Variants in SND1 observed in about 807,000 individuals in gnomAD.
SND1 encodes the protein staphylococcal nuclease domain-containing protein 1.
Under a neutral mutation model 121.7 loss-of-function variants are expected in SND1, and 38 were observed. That is an observed-to-expected ratio of 0.31 (90% confidence interval 0.24 to 0.41). The LOEUF (loss-of-function observed/expected upper bound fraction) is 0.41, where lower values mean the gene tolerates loss of function less well. Ranked by LOEUF, SND1 falls within the 10% of genes least tolerant of loss-of-function variation. The probability of loss-of-function intolerance (pLI) is 1.00; values close to 1 mark genes in which losing one functional copy is unlikely to be tolerated. For synonymous variants in SND1, 401 were observed against 447.4 expected (o/e 0.90, Z 1.31); for missense variants, 868 against 1,184.6 (o/e 0.73, Z 3.92).
At chr7:127,770,325 T>G (rs966958563) in intron 10 of SND1, among the ~76,000 whole-genome samples, 1 of 152,180 alleles carries the variant, frequency 6.6e-6, no homozygotes, top group African/African-American at 2.4e-5. Context: ...TAAAAGTACT[T>G]TAAGAGAGGC....
At chr7:127,781,364 A>C (rs1226773252) in intron 10 of SND1, among the ~76,000 whole-genome samples, 3 of 152,186 alleles carry the variant, frequency 2.0e-5, no homozygotes, top group African/African-American at 4.8e-5. Context: ...ACTATGTGGC[A>C]ATCATCGTTC....
intron 11 of SND1, among the ~76,000 whole-genome samples, chr7:127,819,443 A>G (rs1193402371): frequency 6.6e-6 from 1 of 152,228 alleles, no homozygotes; most frequent in African/African-American, 2.4e-5. Context: ...AGAAAGACTC[A>G]ATTTGTCTTC....
intron 10 of SND1, among the ~76,000 whole-genome samples, chr7:127,724,178 G>T (rs1007684650): frequency 2.0e-5 from 3 of 152,212 alleles, no homozygotes; most frequent in Non-Finnish European, 4.4e-5. Context: ...GAACTTTAGA[G>T]TCTAGTAGGG....
chr7:127,813,349 T>G (rs1467676036), intron 11 of SND1, among the ~76,000 whole-genome samples: 1 of 152,136 alleles, frequency 6.6e-6, no homozygotes, highest in Non-Finnish European at 1.5e-5. Flanking sequence ...TTAACAGAAA[T>G]GACTGGAGTT....
Position 127,759,669 on chromosome 7 carries a change from A to G in SND1, c.1152+38269A>G, listed in dbSNP as rs115117134. Reference sequence around the variant, plus strand: ...TCAGTTGATAAGCTCTAGAGAATACATAGGGGCATATACATCCATACGTAT... The same window carrying G: ...TCAGTTGATAAGCTCTAGAGAATACGTAGGGGCATATACATCCATACGTAT... On this transcript the variant is annotated intron_variant, in intron 10 of 23. Coordinates refer to ENST00000354725, the MANE Select transcript of SND1 (RefSeq NM_014390.4). Among the ~76,000 whole-genome samples the G allele has an allele frequency of 6.2e-3, 929 of 149,002 alleles. 10 individuals carry two copies. Among genetic ancestry groups the G allele is most frequent in the African/African-American group, 0.022 (877 of 39,682 alleles).
chr7:127,959,276 G>C (rs1474717671), intron 15 of SND1, among the ~76,000 whole-genome samples: 3 of 152,270 alleles, frequency 2.0e-5, no homozygotes, highest in East Asian at 3.9e-4. Flanking sequence ...TATCATCATG[G>C]CTATACCACT....
intron 22 of SND1, 98 bp from the exon 23 acceptor site, chr7:128,091,739 G>A (rs2117074505): frequency 2.4e-6 from 3 of 1,262,232 alleles, no homozygotes; most frequent in Non-Finnish European, 3.5e-6. Flanking sequence ...CTTGAGCAAG[G>A]GAGAGCTCTG....
intron 12 of SND1, chr7:127,857,945 C>G: frequency 7.3e-7 from 1 of 1,364,722 alleles, no homozygotes; most frequent in Non-Finnish European, 1.0e-6. Context: ...AAGTAGCCTT[C>G]GCTCACCCAG....
intron 10 of SND1, among the ~76,000 whole-genome samples, chr7:127,742,090 G>A (rs1057476231): frequency 6.6e-6 from 1 of 152,134 alleles, no homozygotes; most frequent in Non-Finnish European, 1.5e-5. Flanking sequence ...CCTTAGTGAA[G>A]AGATCTACTT....
chr7:128,004,821 C>T (rs1404213338), intron 16 of SND1, among the ~76,000 whole-genome samples: 1 of 152,216 alleles, frequency 6.6e-6, no homozygotes, highest in African/African-American at 2.4e-5. Context: ...CCTGTGTGGT[C>T]AGTATCCGTT....
chr7:127,833,407 G>T (rs1798801505), intron 11 of SND1, among the ~76,000 whole-genome samples: 1 of 151,884 alleles, frequency 6.6e-6, no homozygotes, highest in Admixed American at 6.6e-5. Flanking sequence ...TGGGACTAAA[G>T]GCACATACCA....
rs761715383 is a variant in SND1, at chr7:128,089,530, T to C, written c.2460T>C (p.Asp820=). 1.2e-6 allele frequency: 2 copies of C among 1,614,104 alleles called. No homozygotes were observed. The highest frequency in any genetic ancestry group is 2.7e-5 in the African/African-American group (2 of 74,942). The change falls in exon 22 of 24, where the codon GAT becomes GAC. Residue 820 remains aspartate (D), a synonymous_variant. Transcript: ENST00000354725. ...RTDAVDSVVR[D]IQNTQCLLNV... The stretch of plus-strand genomic sequence containing the variant: ...ACGCCGTGGACAGCGTAGTTCGGGA[T>C]ATCCAGAACACTCAGTGCCTGCTCA...
chr7:127,654,758 A>G, intron 1 of SND1, among the ~76,000 whole-genome samples: 1 of 152,174 alleles, frequency 6.6e-6, no homozygotes, highest in East Asian at 1.9e-4. Context: ...TGACCACACT[A>G]CAGGGGTTGG....
chr7:128,002,105 C>T (rs966813658), intron 16 of SND1, among the ~76,000 whole-genome samples: 1 of 152,190 alleles, frequency 6.6e-6, no homozygotes, highest in African/African-American at 2.4e-5. Flanking sequence ...TCTTCACTCC[C>T]CCAGCCTGTC....
chr7:128,044,265 G>C (rs1792908049), intron 16 of SND1, among the ~76,000 whole-genome samples: 1 of 152,196 alleles, frequency 6.6e-6, no homozygotes, highest in Non-Finnish European at 1.5e-5. Context: ...CACTCGGTGT[G>C]GTCAAGGAGC....
chr7:128,066,396 C>T (rs1793314782), intron 16 of SND1, among the ~76,000 whole-genome samples: 1 of 152,208 alleles, frequency 6.6e-6, no homozygotes, highest in Non-Finnish European at 1.5e-5. Flanking sequence ...AAAAGCAATC[C>T]ACTCTGTGGG....
intron 16 of SND1, among the ~76,000 whole-genome samples, chr7:127,995,804 C>A (rs575234706): frequency 1.3e-5 from 2 of 152,332 alleles, no homozygotes; most frequent in Admixed American, 6.5e-5. Flanking sequence ...TTAAAGAGAT[C>A]AGTGTCATAG....
At chr7:128,083,294 A>C (rs1243748118) in intron 18 of SND1, among the ~76,000 whole-genome samples, 1 of 152,246 alleles carries the variant, frequency 6.6e-6, no homozygotes, top group Non-Finnish European at 1.5e-5. Context: ...TGGAGCAAAA[A>C]AAATGAAAGT....
intron 12 of SND1, among the ~76,000 whole-genome samples, chr7:127,852,490 TAA>T (rs779324036): frequency 3.0e-4 from 25 of 83,880 alleles, no homozygotes; most frequent in Non-Finnish European, 4.0e-4. Context: ...AGACTCCCTC[TAA>T]AAAAAAAAAA....
Sources: allele counts gnomAD v4.1 joint callset (sites outside exome capture counted in the v4.1 genomes callset), GRCh38; gene constraint gnomAD v4.1.1; transcripts MANE v1.5; gene names NCBI Gene and HGNC (gene_info 2026-07-23, HGNC 2026-07-21).